The following TTC29 variants were observed in gnomAD, a reference collection of about 807,000 sequenced individuals.
TTC29 encodes tetratricopeptide repeat protein 29.
A neutral mutation model predicts 58.1 loss-of-function variants in TTC29; 49 were observed. That is an observed-to-expected ratio of 0.84 (90% confidence interval 0.67 to 1.07). The LOEUF is 1.07. Among genes scored for constraint, TTC29 ranks in the 50% least tolerant of loss-of-function variants. The probability of loss-of-function intolerance (pLI) is 0.00; values close to 1 mark genes in which losing one functional copy is unlikely to be tolerated. For missense variants in TTC29, 582 were observed against 555.6 expected (o/e 1.05, Z -0.48); for synonymous variants, 209 against 196.8 (o/e 1.06, Z -0.52).
rs75602841 is a variant in TTC29 at position 146,877,873 on chromosome 4, A to T, written c.587-2945T>A. Among the ~76,000 whole-genome samples the T allele has an allele frequency of 6.4e-4, 97 of 152,284 alleles. No individual in the cohort carries two copies. The East Asian group carries it at 0.013, about 20-fold the overall frequency. The stretch of plus-strand genomic sequence containing the variant: ...GCAAATGAGGTATAATGATGTAAAT[A>T]GCAAATGAGAACTGATATCCATCTC... On this transcript the variant is annotated intron_variant, in intron 6 of 12. Coordinates refer to ENST00000325106, the MANE Select transcript of TTC29 (RefSeq NM_031956.4).
At chr4:146,903,426 T>G (rs1190630380) in intron 6 of TTC29, 118 bp downstream of exon 6, 3 of 908,166 alleles carry the variant, frequency 3.3e-6, no homozygotes, top group Admixed American at 6.5e-5. Context: ...ATCTCAATAA[T>G]ATACATGATT....
intron 11 of TTC29, among the ~76,000 whole-genome samples, chr4:146,725,369 A>G (rs1579529785): frequency 6.6e-6 from 1 of 152,076 alleles, no homozygotes; most frequent in Non-Finnish European, 1.5e-5. Context: ...CTTTGTCTCC[A>G]CAAAAAATTT....
At chr4:146,810,969 C>T (rs1486899126) in intron 10 of TTC29, among the ~76,000 whole-genome samples, 1 of 152,140 alleles carries the variant, frequency 6.6e-6, no homozygotes, top group Non-Finnish European at 1.5e-5. Flanking sequence ...GTTTACTGCT[C>T]TTATTTTCCC....
At chr4:146,815,082 C>G (rs1168633283) in intron 10 of TTC29, among the ~76,000 whole-genome samples, 1 of 152,074 alleles carries the variant, frequency 6.6e-6, no homozygotes, top group South Asian at 2.1e-4. Context: ...GTAATGGAAG[C>G]ATTTTAAGCA....
In TTC29 at chr4:146,939,513, C is replaced by G. The variant is rs192000043; in HGVS notation, c.92+291G>C. 7.2e-5 allele frequency among the ~76,000 whole-genome samples: 11 copies of G among 152,258 alleles called. No homozygotes were observed. The East Asian group carries it at 2.1e-3, about 29-fold the overall frequency. On this transcript the variant is annotated intron_variant, in intron 3 of 12. Transcript: ENST00000325106. The stretch of plus-strand genomic sequence containing the variant: ...AAGCTTCTGCTTTCTGTTCTCCATA[C>G]ACATTTAAAACAGGAAACTTATCTC...
At chr4:146,826,839 A>G (rs1727831956) in intron 9 of TTC29, among the ~76,000 whole-genome samples, 2 of 150,710 alleles carry the variant, frequency 1.3e-5, no homozygotes, top group South Asian at 4.2e-4. Flanking sequence ...TCTTGTCTGC[A>G]TGTCTTATTT....
intron 8 of TTC29, among the ~76,000 whole-genome samples, chr4:146,847,141 C>T (rs193161133): frequency 5.3e-5 from 8 of 152,206 alleles, no homozygotes; most frequent in East Asian, 3.9e-4. Context: ...CTGACAGGAG[C>T]GACAATGACT....
chr4:146,941,832 C>T (rs1038114828), intron 2 of TTC29, among the ~76,000 whole-genome samples: 2 of 152,110 alleles, frequency 1.3e-5, no homozygotes, highest in Non-Finnish European at 2.9e-5. Context: ...AAAGGGTAGA[C>T]AGCAGAGAGG....
intron 8 of TTC29, among the ~76,000 whole-genome samples, chr4:146,837,727 T>C (rs1027569147): frequency 3.3e-5 from 5 of 152,120 alleles, no homozygotes; most frequent in Middle Eastern, 3.4e-3. Flanking sequence ...AGATAATATG[T>C]TGGAAACAGA....
In TTC29 at chr4:146,884,306, T is replaced by C. The variant is rs114112677; in HGVS notation, c.587-9378A>G. ...GCACCTTCGAAAATGTTTACTAGGG[T>C]TGGCTTTCTAAATCCATTCTTGGAA... On this transcript the variant is annotated intron_variant, in intron 6 of 12. Transcript: ENST00000325106. Among the ~76,000 whole-genome samples, 498 of 152,210 alleles carry C rather than the reference T, an allele frequency of 3.3e-3. 3 individuals are homozygous for C. Among genetic ancestry groups the C allele is most frequent in the African/African-American group, 0.011 (454 of 41,542 alleles).
chr4:146,790,929 G>GT (rs1252617416), intron 11 of TTC29, among the ~76,000 whole-genome samples: 4 of 152,180 alleles, frequency 2.6e-5, no homozygotes, highest in Non-Finnish European at 5.9e-5. Flanking sequence ...CATAGCTTTA[G>GT]TATATGCAAA....
At chr4:146,818,772 A>C (rs560727338) in intron 10 of TTC29, among the ~76,000 whole-genome samples, 3 of 152,330 alleles carry the variant, frequency 2.0e-5, no homozygotes, top group African/African-American at 7.2e-5. Flanking sequence ...TGAAGAGTTC[A>C]TGTCCTTTGT....
intron 8 of TTC29, among the ~76,000 whole-genome samples, chr4:146,844,213 CT>C (rs1290805086): frequency 6.6e-6 from 1 of 152,052 alleles, no homozygotes; most frequent in Non-Finnish European, 1.5e-5. Flanking sequence ...TCATCTAAAA[CT>C]CTCTCTTTAA....
intron 11 of TTC29, among the ~76,000 whole-genome samples, chr4:146,773,587 A>T (rs1021232462): frequency 1.3e-5 from 2 of 152,136 alleles, no homozygotes; most frequent in African/African-American, 4.8e-5. Flanking sequence ...CATAGGCTCT[A>T]ATCTACTTGA....
intron 9 of TTC29, among the ~76,000 whole-genome samples, chr4:146,822,651 G>T (rs945196780): frequency 1.3e-5 from 2 of 152,130 alleles, no homozygotes; most frequent in African/African-American, 4.8e-5. Flanking sequence ...AAATGATATT[G>T]CTGCTTCTAG....
In TTC29 at chr4:146,751,375, T is replaced by C. The variant is rs535022555; in HGVS notation, c.1331-43824A>G. ...TTGACTAAATGGACTTACAAACATA[T>C]ACAGAACTTTCCACCAAACAGCAGA... On this transcript the variant is annotated intron_variant, in intron 11 of 12. Transcript: ENST00000325106. 2.0e-5 allele frequency among the ~76,000 whole-genome samples: 3 copies of C among 152,306 alleles called. No individual in the cohort carries two copies. In the East Asian group the frequency reaches 5.8e-4, roughly 29 times the overall value.
intron 11 of TTC29, among the ~76,000 whole-genome samples, chr4:146,789,218 A>G (rs1230081112): frequency 6.6e-6 from 1 of 152,260 alleles, no homozygotes. Context: ...GTTTACATAT[A>G]TTAGTGAACT....
At chr4:146,754,264 G>A (rs1746259677) in intron 11 of TTC29, among the ~76,000 whole-genome samples, 1 of 151,670 alleles carries the variant, frequency 6.6e-6, no homozygotes, top group South Asian at 2.1e-4. Flanking sequence ...GAAAAATAAA[G>A]CCTACCAAGA....
chr4:146,727,230 T>C (rs891942157), intron 11 of TTC29, among the ~76,000 whole-genome samples: 2 of 152,140 alleles, frequency 1.3e-5, no homozygotes, highest in Non-Finnish European at 2.9e-5. Flanking sequence ...GCAGTTTCGG[T>C]TTACAGCAAA....
Sources: allele counts gnomAD v4.1 joint callset (sites outside exome capture counted in the v4.1 genomes callset), GRCh38; gene constraint gnomAD v4.1.1; transcripts MANE v1.5; gene names NCBI Gene and HGNC (gene_info 2026-07-23, HGNC 2026-07-21).